Variants in TTC12 observed in about 807,000 individuals in gnomAD.
TTC12 encodes the protein tetratricopeptide repeat domain 12, also known as tetratricopeptide repeat protein 12.
In TTC12, 70 loss-of-function variants were observed where a neutral mutation model predicts 90.1. That is an observed-to-expected ratio of 0.78 (90% CI 0.64 to 0.95). TTC12 has a LOEUF of 0.95. Among genes scored for constraint, TTC12 ranks in the 40% least tolerant of loss-of-function variants. The probability of loss-of-function intolerance (pLI) is 0.00; values close to 1 mark genes in which losing one functional copy is unlikely to be tolerated. For missense variants in TTC12, 819 were observed against 846.1 expected, an observed-to-expected ratio of 0.97 and a Z score of 0.40; for synonymous variants, 296 against 311.5, an observed-to-expected ratio of 0.95 and a Z score of 0.53.
At chr11:113,316,924 A>C (rs1401309703) in intron 2 of TTC12, among the ~76,000 whole-genome samples, 3 of 152,220 alleles carry the variant, frequency 2.0e-5, no homozygotes, top group Non-Finnish European at 4.4e-5. Flanking sequence ...GAGTATAGAA[A>C]CAAACAAACC....
At chr11:113,339,671 G>A (rs782586156) in intron 10 of TTC12, 197 bp downstream of exon 10, 14 of 526,282 alleles carry the variant, frequency 2.7e-5, no homozygotes, top group South Asian at 6.6e-5. Context: ...CAGAGCATGC[G>A]TACACTCAGC....
chr11:113,340,383 A>G (rs536866747), intron 10 of TTC12, among the ~76,000 whole-genome samples: 19 of 152,248 alleles, frequency 1.2e-4, no homozygotes, highest in Non-Finnish European at 2.6e-4. Context: ...TCTGAAGATT[A>G]CAGAATGATG....
At chr11:113,318,575 A>T (rs1947098610) in intron 2 of TTC12, among the ~76,000 whole-genome samples, 1 of 152,166 alleles carries the variant, frequency 6.6e-6, no homozygotes, top group African/African-American at 2.4e-5. Context: ...AAATACAGTC[A>T]TACCAGGAGT....
chr11:113,365,490 G>A, intron 21 of TTC12: 1 of 210,882 alleles, frequency 4.7e-6, no homozygotes, highest in Non-Finnish European at 9.9e-6. Context: ...CTAAACAAAT[G>A]GAGGAACGGC....
At chr11:113,365,455 C>A in intron 21 of TTC12, 1 of 228,224 alleles carries the variant, frequency 4.4e-6, no homozygotes, top group Middle Eastern at 1.8e-3. Flanking sequence ...AAACAGACCC[C>A]CCACTTCATG....
At chr11:113,348,444 C>G (rs2138025405) in intron 13 of TTC12, among the ~76,000 whole-genome samples, 2 of 152,258 alleles carry the variant, frequency 1.3e-5, no homozygotes, top group South Asian at 4.2e-4. Flanking sequence ...TTTACTGTAC[C>G]TCTTACTCTG....
In TTC12 at chr11:113,339,341, C is replaced by G. The variant is rs1948554896; in HGVS notation, c.693C>G (p.Ala231=). The G allele has an allele frequency of 6.2e-7, 1 of 1,612,976 alleles. No individual in the cohort carries two copies. The highest frequency in any genetic ancestry group is 8.5e-7 in the Non-Finnish European group (1 of 1,179,778). The change falls in exon 10 of 22, where the codon GCC becomes GCG. Residue 231 remains alanine (A), a synonymous_variant. Coordinates refer to ENST00000529221, the MANE Select transcript of TTC12 (RefSeq NM_017868.4). The part of the protein sequence containing the change: ...QEKADLQEKE[A]HELLDSGKNT... ...AAGCAGACCTTCAAGAAAAGGAAGC[C>G]CACGAACTGCTGGATTCAGGAAAGA...
chr11:113,335,141 C>G, intron 8 of TTC12, 104 bp downstream of exon 8: 1 of 861,896 alleles, frequency 1.2e-6, no homozygotes, highest in Non-Finnish European at 1.9e-6. Flanking sequence ...GGTATTAATC[C>G]ATCCTTTAGT....
chr11:113,359,336 A>G (rs1308422658), intron 16 of TTC12, 27 bp from the exon 17 acceptor site: 2 of 1,527,470 alleles, frequency 1.3e-6, no homozygotes, highest in African/African-American at 1.4e-5. Flanking sequence ...CAAAAAGGTC[A>G]TTGGTTACCT....
At chr11:113,330,470 T>C (rs1555142331) in intron 7 of TTC12, among the ~76,000 whole-genome samples, 1 of 152,238 alleles carries the variant, frequency 6.6e-6, no homozygotes, top group Non-Finnish European at 1.5e-5. Context: ...AAAATAATTC[T>C]ACACATGGCA....
intron 12 of TTC12, 97 bp downstream of exon 12, chr11:113,342,022 A>G (rs1591572303): frequency 1.9e-6 from 2 of 1,061,782 alleles, no homozygotes; most frequent in Non-Finnish European, 1.5e-6. Context: ...AGGCCCTGGA[A>G]AGCTGATGTC....
At chr11:113,330,097 C>T in intron 7 of TTC12, 118 bp downstream of exon 7, 1 of 803,394 alleles carries the variant, frequency 1.2e-6, no homozygotes, top group South Asian at 1.5e-5. Context: ...TCAGTTTCCT[C>T]ATCTGTAGAA....
chr11:113,365,375 T>A (rs1459002061), intron 21 of TTC12: 1 of 299,690 alleles, frequency 3.3e-6, no homozygotes. Flanking sequence ...CTCTTTATCC[T>A]CCTTCTTCCC....
intron 2 of TTC12, among the ~76,000 whole-genome samples, chr11:113,318,150 C>T (rs1025741155): frequency 6.6e-5 from 10 of 152,152 alleles, no homozygotes; most frequent in Non-Finnish European, 1.2e-4. Context: ...AGAATACAGT[C>T]AAAGAATTAT....
intron 2 of TTC12, among the ~76,000 whole-genome samples, chr11:113,321,422 A>G (rs1555138406): frequency 6.6e-6 from 1 of 152,246 alleles, no homozygotes; most frequent in African/African-American, 2.4e-5. Flanking sequence ...CTGGCTATCA[A>G]TAAGAGAATG....
At position 113,366,336 on chromosome 11, in the gene TTC12, A is replaced by G. The variant is rs1263493309; in HGVS notation, c.*36A>G. 4 of 1,611,514 alleles carry G rather than the reference A, an allele frequency of 2.5e-6. No homozygotes were observed. In the East Asian group the frequency reaches 6.7e-5, roughly 27 times the overall value. ...GTTTGTGTGCATTTGGGGAACACAC[A>G]GATGCACACCGTGTGTTGTTCCTAT... On this transcript the variant is annotated 3_prime_UTR_variant, in exon 22 of 22. Coordinates refer to ENST00000529221, the MANE Select transcript of TTC12 (RefSeq NM_017868.4).
At chr11:113,362,972 T>C (rs1288497549) in intron 19 of TTC12, among the ~76,000 whole-genome samples, 1 of 152,252 alleles carries the variant, frequency 6.6e-6, no homozygotes, top group Non-Finnish European at 1.5e-5. Context: ...GAGATGAGTG[T>C]GGTGAATCTA....
intron 16 of TTC12, among the ~76,000 whole-genome samples, chr11:113,357,903 G>T (rs1449660692): frequency 6.6e-6 from 1 of 152,216 alleles, no homozygotes; most frequent in African/African-American, 2.4e-5. Context: ...ACCTTAACTT[G>T]TTCACTCATG....
intron 14 of TTC12, among the ~76,000 whole-genome samples, chr11:113,350,948 T>TG (rs782203709): frequency 6.6e-6 from 1 of 152,164 alleles, no homozygotes; most frequent in Non-Finnish European, 1.5e-5. Context: ...GAGCAGGGGT[T>TG]GGGGGTAAGT....
Sources: gnomAD v4.1 joint callset for allele counts (sites outside exome capture counted in the v4.1 genomes callset) on GRCh38, gnomAD v4.1.1 for gene constraint, MANE v1.5 for transcripts, NCBI Gene and HGNC (gene_info 2026-07-23, HGNC 2026-07-21) for gene names.